UNC13C: variants seen among roughly 807,000 people sequenced by gnomAD.
UNC13C encodes the protein unc-13 homolog C.
A neutral mutation model predicts 245.4 loss-of-function variants in UNC13C; 174 were observed. The ratio of observed to expected loss-of-function variants is 0.71; its 90% CI spans 0.63 to 0.80. UNC13C has a LOEUF of 0.80. UNC13C is among the 30% of genes least tolerant of loss of function. The pLI is 0.00. For missense variants in UNC13C, 2,829 were observed against 2,602.9 expected (o/e 1.09, Z -1.89); for synonymous variants, 992 against 895.1 (o/e 1.11, Z -1.93).
chr15:53,875,071 G>T, the UNC13C span, among the ~76,000 whole-genome samples: 2 of 151,646 alleles, frequency 1.3e-5, no homozygotes, highest in African/African-American at 2.4e-5. Context: ...CCAGCCTGGT[G>T]ACAGAGTGAG....
chr15:54,471,717 G>A (rs1207520551), intron 19 of UNC13C, among the ~76,000 whole-genome samples: 2 of 151,412 alleles, frequency 1.3e-5, no homozygotes, highest in African/African-American at 4.8e-5. Context: ...AAAAAAATGT[G>A]TATTTTGTTG....
intron 4 of UNC13C, among the ~76,000 whole-genome samples, chr15:54,229,951 G>GTT (rs544158738): frequency 2.0e-5 from 3 of 150,712 alleles, no homozygotes; most frequent in Non-Finnish European, 4.4e-5. Flanking sequence ...AAATTGTAGG[G>GTT]TTTTTTTTTA....
intron 10 of UNC13C, among the ~76,000 whole-genome samples, chr15:54,280,151 G>A (rs1453592944): frequency 3.3e-5 from 5 of 151,906 alleles, no homozygotes; most frequent in African/African-American, 1.2e-4. Context: ...ATATACAAGG[G>A]GTTCTGTGGT....
chr15:53,975,021 G>A (rs1388038554), upstream of UNC13C: 2 of 152,204 alleles, frequency 1.3e-5, no homozygotes, highest in Non-Finnish European at 2.9e-5. Context: ...CCCCTAGGCT[G>A]CTTGAGTATC....
At chr15:54,451,273 T>G (rs2141008382) in intron 19 of UNC13C, among the ~76,000 whole-genome samples, 1 of 152,278 alleles carries the variant, frequency 6.6e-6, no homozygotes, top group African/African-American at 2.4e-5. Flanking sequence ...GGTAAATTTT[T>G]GGGGTGTAGT....
intron 17 of UNC13C, among the ~76,000 whole-genome samples, chr15:54,358,811 C>T (rs893825560): frequency 6.6e-6 from 1 of 152,000 alleles, no homozygotes; most frequent in African/African-American, 2.4e-5. Flanking sequence ...TTATCTCTTT[C>T]TCTTGCCCAA....
intron 2 of UNC13C, among the ~76,000 whole-genome samples, chr15:54,024,690 G>A (rs1310498027): frequency 2.6e-5 from 4 of 152,112 alleles, no homozygotes; most frequent in African/African-American, 7.2e-5. Flanking sequence ...AGGCCGAGGC[G>A]GGCGGATCAC....
Position 54,149,039 on chromosome 15 carries a change from C to A in UNC13C, c.3071+5355C>A, listed in dbSNP as rs965288541. Among the ~76,000 whole-genome samples, 8 of 152,222 alleles carry A rather than the reference C, an allele frequency of 5.3e-5. No individual in the cohort carries two copies. The Middle Eastern group carries it at 0.01, about 194-fold the overall frequency. On this transcript the variant is annotated intron_variant, in intron 4 of 32. Coordinates refer to ENST00000260323, the MANE Select transcript of UNC13C (RefSeq NM_001080534.3). ...ATCATGGGGGGCAGTTTCCCCCAGG[C>A]TGTTCTCCTGCTAGGGAGTTCTCAT... is the stretch of plus-strand genomic sequence containing the variant.
chr15:54,327,709 A>T (rs1485282609), intron 14 of UNC13C, among the ~76,000 whole-genome samples: 1 of 152,042 alleles, frequency 6.6e-6, no homozygotes, highest in African/African-American at 2.4e-5. Flanking sequence ...GATCAATGGG[A>T]TGTAACCAGT....
chr15:54,180,544 A>T (rs2033763284), intron 4 of UNC13C, among the ~76,000 whole-genome samples: 1 of 152,074 alleles, frequency 6.6e-6, no homozygotes, highest in Non-Finnish European at 1.5e-5. Flanking sequence ...GTCAAATGGC[A>T]GTTCTGCTTT....
intron 24 of UNC13C, among the ~76,000 whole-genome samples, chr15:54,515,712 T>G (rs1894942279): frequency 6.6e-6 from 1 of 152,210 alleles, no homozygotes; most frequent in Non-Finnish European, 1.5e-5. Flanking sequence ...CCACTAACTG[T>G]TGATGTTACT....
intron 2 of UNC13C, among the ~76,000 whole-genome samples, chr15:54,104,926 G>A (rs1176129759): frequency 6.6e-6 from 1 of 152,108 alleles, no homozygotes; most frequent in Non-Finnish European, 1.5e-5. Context: ...TATTAATGTG[G>A]CAAGGCTGAA....
At chr15:54,044,559 G>C (rs1464021502) in intron 2 of UNC13C, 2 of 180,892 alleles carry the variant, frequency 1.1e-5, no homozygotes, top group Non-Finnish European at 2.5e-5. Flanking sequence ...GTGGCAGGCG[G>C]GGTGGGGGGT....
intron 20 of UNC13C, among the ~76,000 whole-genome samples, chr15:54,496,044 G>A (rs958934071): frequency 1.6e-4 from 24 of 151,942 alleles, no homozygotes; most frequent in Admixed American, 1.2e-3. Flanking sequence ...ACTCTGAAAA[G>A]TTGCTAAGAG....
chr15:54,241,868 T>C (rs1411469234), intron 7 of UNC13C, among the ~76,000 whole-genome samples: 2 of 152,154 alleles, frequency 1.3e-5, no homozygotes, highest in South Asian at 4.1e-4. Context: ...AGTACTGACA[T>C]GGAAGCCAGC....
At chr15:54,572,417 C>T (rs1430987084) in intron 30 of UNC13C, among the ~76,000 whole-genome samples, 2 of 149,046 alleles carry the variant, frequency 1.3e-5, no homozygotes, top group Non-Finnish European at 1.5e-5. Context: ...ATTTTTTTGT[C>T]TCTTTAATTT....
chr15:53,874,399 G>A, the UNC13C span, among the ~76,000 whole-genome samples: 1 of 152,176 alleles, frequency 6.6e-6, no homozygotes, highest in Non-Finnish European at 1.5e-5. Context: ...CTACACATGT[G>A]GAAAGTGGCA....
At chr15:53,864,859 C>T in the UNC13C span, among the ~76,000 whole-genome samples, 7 of 152,216 alleles carry the variant, frequency 4.6e-5, no homozygotes, top group South Asian at 6.2e-4. Flanking sequence ...TCATGCAATT[C>T]GGTTTGTAAG....
chr15:54,197,462 CAA>C lies in UNC13C; in HGVS notation c.3072-37556_3072-37555del, dbSNP rs111328266. ...TGGGTGACAGAGTGAGACTCCATCT[CAA>C]AAAAAAAAAAAGAAAAATTAATAAG... On this transcript the variant is annotated intron_variant, in intron 4 of 32. Coordinates refer to ENST00000260323, the MANE Select transcript of UNC13C (RefSeq NM_001080534.3). Among the ~76,000 whole-genome samples, 916 of 134,668 alleles carry C rather than the reference CAA, an allele frequency of 6.8e-3. 14 individuals carry two copies. Among genetic ancestry groups the C allele is most frequent in the African/African-American group, 0.023 (858 of 36,534 alleles). 88.3% of individuals were successfully genotyped at this position (134,668 alleles called of 152,430 possible). A position where few individuals can be genotyped will look rare whatever the true frequency, so the allele number is the denominator to read the frequency against.
Sources: allele counts gnomAD v4.1 joint callset (sites outside exome capture counted in the v4.1 genomes callset), GRCh38; gene constraint gnomAD v4.1.1; transcripts MANE v1.5; gene names NCBI Gene and HGNC (gene_info 2026-07-23, HGNC 2026-07-21).